Variants in PLPP1 observed in about 807,000 individuals in gnomAD.
PLPP1 encodes lipid phosphate phosphohydrolase 1a.
Under a neutral mutation model 31.2 loss-of-function variants are expected in PLPP1, and 24 were observed. That is an observed-to-expected ratio of 0.77 (90% confidence interval 0.56 to 1.08). The LOEUF (loss-of-function observed/expected upper bound fraction) is 1.08, where lower values mean the gene tolerates loss of function less well. Ranked by LOEUF, PLPP1 falls within the 50% of genes least tolerant of loss-of-function variation. The pLI is 0.00. For missense variants in PLPP1, 319 were observed against 342.7 expected (o/e 0.93, Z 0.55); for synonymous variants, 146 against 126.3 (o/e 1.16, Z -1.05).
At chr5:55,491,370 C>T (rs544765211) in intron 1 of PLPP1, among the ~76,000 whole-genome samples, 2 of 152,224 alleles carry the variant, frequency 1.3e-5, no homozygotes, top group South Asian at 2.1e-4. Flanking sequence ...ATAAAAGAGA[C>T]TTCCACAAGG....
chr5:55,472,742 GGAAGAAGAGGAAGAGGAAGAA>G (rs1165936854), intron 2 of PLPP1, among the ~76,000 whole-genome samples: 2 of 147,932 alleles, frequency 1.4e-5, no homozygotes, highest in Admixed American at 1.4e-4. Context: ...AGGAGGAAGA[GGAAGAAGAGGAAGAGGAAGAA>G]GAAGAGGAAG....
intron 1 of PLPP1, among the ~76,000 whole-genome samples, chr5:55,513,832 G>T (rs1238105378): frequency 6.6e-6 from 1 of 152,150 alleles, no homozygotes. Context: ...AGGCTGAAGT[G>T]TGAGGAATGC....
chr5:55,458,363 G>A (rs973725318), intron 3 of PLPP1, among the ~76,000 whole-genome samples: 24 of 151,700 alleles, frequency 1.6e-4, no homozygotes, highest in Non-Finnish European at 1.5e-5. Flanking sequence ...TTGGTTATAA[G>A]TAAATAATAA....
chr5:55,473,883 G>T (rs1752474910), intron 2 of PLPP1, among the ~76,000 whole-genome samples: 1 of 152,054 alleles, frequency 6.6e-6, no homozygotes, highest in Non-Finnish European at 1.5e-5. Flanking sequence ...TACCCAGGTT[G>T]GTCTCAATAC....
chr5:55,519,769 A>AAAAAGTAT (rs1282296771), intron 1 of PLPP1, among the ~76,000 whole-genome samples: 1 of 152,008 alleles, frequency 6.6e-6, no homozygotes, highest in Non-Finnish European at 1.5e-5. Flanking sequence ...AAGAAAAAGA[A>AAAAAGTAT]AAAAGTATAA....
At chr5:55,523,567 CGA>C (rs889933329) in intron 1 of PLPP1, among the ~76,000 whole-genome samples, 3 of 152,066 alleles carry the variant, frequency 2.0e-5, no homozygotes, top group African/African-American at 7.2e-5. Context: ...AGAGAGTTGT[CGA>C]GAGACTGCAC....
At chr5:55,449,401 A>G (rs1352140915) in intron 3 of PLPP1, among the ~76,000 whole-genome samples, 1 of 152,216 alleles carries the variant, frequency 6.6e-6, no homozygotes, top group East Asian at 1.9e-4. Context: ...AATATCTGAC[A>G]TGCCTGCTAC....
chr5:55,491,416 G>T (rs995485116), intron 1 of PLPP1, among the ~76,000 whole-genome samples: 1 of 152,132 alleles, frequency 6.6e-6, no homozygotes, highest in African/African-American at 2.4e-5. Context: ...AAATAAAGCT[G>T]AGAAAACAGG....
rs1740826072 is a variant in PLPP1 at position 55,534,763 on chromosome 5, G to A, written c.-134C>T. 2 of 928,976 alleles carry A rather than the reference G, an allele frequency of 2.2e-6. No individual in the cohort carries two copies. Among genetic ancestry groups the A allele is most frequent in the Non-Finnish European group, 3.0e-6 (2 of 656,634 alleles). The allele number at this position is 928,976 out of a possible 1,614,324, so 57.5% of individuals were successfully genotyped here. A position where few individuals can be genotyped will look rare whatever the true frequency, so the allele number is the denominator to read the frequency against. On this transcript the variant is annotated 5_prime_UTR_variant, in exon 1 of 6. Transcript: ENST00000307259. ...GGCCCCTCCCAGCCGGAGGAGGAGAGCAGCCGAGGGCGGGCTGAGACCGGG... is the reference window on the plus strand; with the variant it reads ...GGCCCCTCCCAGCCGGAGGAGGAGAACAGCCGAGGGCGGGCTGAGACCGGG...
chr5:55,534,290 T>C (rs1740794681), intron 1 of PLPP1, among the ~76,000 whole-genome samples: 1 of 152,124 alleles, frequency 6.6e-6, no homozygotes, highest in African/African-American at 2.4e-5. Flanking sequence ...AGAGTGGAAC[T>C]GCAAACAGAG....
rs1277081172 is a variant in PLPP1, at chr5:55,523,113, G to A, written c.58+11459C>T. On this transcript the variant is annotated intron_variant, in intron 1 of 5. Coordinates refer to ENST00000307259, the MANE Select transcript of PLPP1 (RefSeq NM_003711.4). ...TACTTTTAATTTTTGTGGGTACATA[G>A]TAAATATACATACATATGGGGCACA... 5.3e-5 allele frequency among the ~76,000 whole-genome samples: 8 copies of A among 151,364 alleles called. No homozygotes were observed. The East Asian group carries it at 1.5e-3, about 29-fold the overall frequency.
chr5:55,452,146 G>C (rs1334355513), intron 3 of PLPP1, among the ~76,000 whole-genome samples: 1 of 152,094 alleles, frequency 6.6e-6, no homozygotes, highest in East Asian at 1.9e-4. Flanking sequence ...ATATAGTTTG[G>C]ATGGGCATCC....
chr5:55,429,249 T>G (rs757622272), intron 4 of PLPP1, among the ~76,000 whole-genome samples: 2 of 134,174 alleles, frequency 1.5e-5, no homozygotes, highest in Non-Finnish European at 3.2e-5. Context: ...TGGAGTGGTT[T>G]CAAGATGGCT....
chr5:55,522,253 T>C (rs1360294892), intron 1 of PLPP1, among the ~76,000 whole-genome samples: 1 of 152,252 alleles, frequency 6.6e-6, no homozygotes, highest in Non-Finnish European at 1.5e-5. Flanking sequence ...GGAATGCCTA[T>C]AACAACGCTA....
chr5:55,475,571 C>T (rs1579950510), intron 1 of PLPP1, 121 bp from the exon 2 acceptor site: 1 of 903,378 alleles, frequency 1.1e-6, no homozygotes, highest in East Asian at 2.8e-5. Flanking sequence ...AATGAGAGCA[C>T]ATGTAAAAAA....
intron 1 of PLPP1, among the ~76,000 whole-genome samples, chr5:55,488,767 T>C (rs1177236646): frequency 6.6e-6 from 1 of 152,228 alleles, no homozygotes; most frequent in African/African-American, 2.4e-5. Flanking sequence ...GGCTATTTAT[T>C]TTCTCTTTCT....
chr5:55,473,044 T>C (rs1752455961), intron 2 of PLPP1, among the ~76,000 whole-genome samples: 1 of 152,212 alleles, frequency 6.6e-6, no homozygotes, highest in Non-Finnish European at 1.5e-5. Flanking sequence ...TATTTGAATA[T>C]TTGAATCCTG....
At position 55,425,230 on chromosome 5, in the gene PLPP1, G is replaced by A; in HGVS notation, c.831C>T (p.His277=). The A allele has an allele frequency of 6.2e-7, 1 of 1,613,956 alleles. No homozygotes were observed. The highest frequency in any genetic ancestry group is 8.5e-7 in the Non-Finnish European group (1 of 1,179,950). ...TLHETPTTGN[H]YPSNHQP is the part of the protein sequence containing the mutation. The stretch of plus-strand genomic sequence containing the variant: ...TTCAAGGCTGGTGATTGCTCGGATA[G>A]TGATTCCCAGTTGTTGGTGTTTCAT... The change falls in exon 6 of 6, where the codon CAC becomes CAT. Residue 277 remains histidine, a synonymous_variant. Coordinates refer to ENST00000307259, the MANE Select transcript of PLPP1 (RefSeq NM_003711.4).
At chr5:55,523,519 CTTCCGTCATCTACAGAATGCAG>C (rs1753718443) in intron 1 of PLPP1, among the ~76,000 whole-genome samples, 1 of 152,184 alleles carries the variant, frequency 6.6e-6, no homozygotes, top group Non-Finnish European at 1.5e-5. Flanking sequence ...CCAGCCCTCA[CTTCCGTCATCTACAGAATGCAG>C]ATGACCAAGC....
Sources: allele counts gnomAD v4.1 joint callset (sites outside exome capture counted in the v4.1 genomes callset), GRCh38; gene constraint gnomAD v4.1.1; transcripts MANE v1.5; gene names NCBI Gene and HGNC (gene_info 2026-07-23, HGNC 2026-07-21).